The following CCDC171 variants were observed in gnomAD, a reference collection of about 807,000 sequenced individuals.
CCDC171 encodes the protein coiled-coil domain-containing protein 171.
In CCDC171, 177 loss-of-function variants were observed where a neutral mutation model predicts 168.2. The ratio of observed to expected loss-of-function variants is 1.05; its 90% CI spans 0.93 to 1.19. The LOEUF (loss-of-function observed/expected upper bound fraction) is 1.19, where lower values mean the gene tolerates loss of function less well. Among genes scored for constraint, CCDC171 ranks in the 50% most tolerant of loss-of-function variants. The probability of loss-of-function intolerance (pLI) is 0.00; values close to 1 mark genes in which losing one functional copy is unlikely to be tolerated. For synonymous variants in CCDC171, 687 were observed against 540.8 expected, an observed-to-expected ratio of 1.27 and a Z score of -3.75; for missense variants, 1,991 against 1,539.0, an observed-to-expected ratio of 1.29 and a Z score of -4.91.
intron 1 of CCDC171, among the ~76,000 whole-genome samples, chr9:15,558,062 C>G (rs972017940): frequency 3.9e-5 from 6 of 152,154 alleles, no homozygotes; most frequent in Admixed American, 6.5e-5. Flanking sequence ...GTATGTTGAA[C>G]CAGCCTTCCA....
chr9:15,557,448 G>A (rs1035100414), intron 1 of CCDC171, among the ~76,000 whole-genome samples: 1 of 152,030 alleles, frequency 6.6e-6, no homozygotes, highest in African/African-American at 2.4e-5. Context: ...CCTTGAAGAG[G>A]TCCTTCACTT....
At chr9:15,580,087 T>C (rs2040992279) in intron 4 of CCDC171, among the ~76,000 whole-genome samples, 1 of 152,194 alleles carries the variant, frequency 6.6e-6, no homozygotes. Flanking sequence ...CCAACTGATC[T>C]TTGACAAAGC....
chr9:15,587,306 T>C (rs920073361), intron 4 of CCDC171, among the ~76,000 whole-genome samples: 1 of 152,126 alleles, frequency 6.6e-6, no homozygotes, highest in Non-Finnish European at 1.5e-5. Context: ...TGGGAGATGA[T>C]TGCATCATTG....
chr9:15,915,059 C>T (rs1824303274), intron 24 of CCDC171, among the ~76,000 whole-genome samples: 1 of 151,956 alleles, frequency 6.6e-6, no homozygotes, highest in Admixed American at 6.6e-5. Flanking sequence ...ATTGGTCTTG[C>T]TGGGAGCTGC....
At chr9:15,627,390 G>C (rs1279400248) in intron 7 of CCDC171, among the ~76,000 whole-genome samples, 1 of 151,854 alleles carries the variant, frequency 6.6e-6, no homozygotes, top group Non-Finnish European at 1.5e-5. Context: ...TGCTTCTGTA[G>C]TTCTTTTAAT....
chr9:16,064,355 CAG>C (rs1252227542), downstream of CCDC171, among the ~76,000 whole-genome samples: 1 of 151,972 alleles, frequency 6.6e-6, no homozygotes, highest in Admixed American at 6.6e-5. Flanking sequence ...GCTCGGTAGA[CAG>C]TGTGTCTGCG....
chr9:15,583,408 C>CAAAAAAAAA (rs753789809), intron 4 of CCDC171, among the ~76,000 whole-genome samples: 1 of 95,836 alleles, frequency 1.0e-5, no homozygotes. Context: ...GACTCCATCT[C>CAAAAAAAAA]AAAAAAAAAA....
chr9:16,004,636 C>T (rs959531966), intron 3 of CCDC171, among the ~76,000 whole-genome samples: 4 of 152,130 alleles, frequency 2.6e-5, no homozygotes, highest in East Asian at 1.9e-4. Flanking sequence ...CCGAATGCCC[C>T]GTCACTGCCT....
At chr9:15,690,615 A>G (rs959166628) in intron 10 of CCDC171, among the ~76,000 whole-genome samples, 2 of 152,172 alleles carry the variant, frequency 1.3e-5, no homozygotes, top group African/African-American at 4.8e-5. Context: ...GGAAAATATG[A>G]CATAAAAATC....
rs375530902 is a variant in CCDC171 at position 15,663,314 on chromosome 9, T to C, written c.916-2849T>C. Reference sequence around the variant, plus strand: ...TTTTTTTCTATCCCCACCCCGTCTTTAAACTATTTTCTAAAAAGAAACTAT... The same window carrying C: ...TTTTTTTCTATCCCCACCCCGTCTTCAAACTATTTTCTAAAAAGAAACTAT... On this transcript the variant is annotated intron_variant, in intron 8 of 25. Coordinates refer to ENST00000380701, the MANE Select transcript of CCDC171 (RefSeq NM_173550.4). Among the ~76,000 whole-genome samples, 33 of 152,336 alleles carry C rather than the reference T, an allele frequency of 2.2e-4. No individual in the cohort carries two copies. The South Asian group carries it at 6.0e-3, about 28-fold the overall frequency.
the CCDC171 span, among the ~76,000 whole-genome samples, chr9:16,076,008 T>C: frequency 6.6e-6 from 1 of 152,224 alleles, no homozygotes; most frequent in Non-Finnish European, 1.5e-5. Context: ...TTGCAAGTGA[T>C]AGTCAAAATC....
In CCDC171 at chr9:15,578,854, A is replaced by G; in HGVS notation, c.183A>G (p.Ala61=). The G allele has an allele frequency of 1.9e-6, 3 of 1,612,024 alleles. No individual in the cohort carries two copies. The highest frequency in any genetic ancestry group is 2.5e-6 in the Non-Finnish European group (3 of 1,179,120). Residue 61 remains alanine (A), a synonymous_variant, in exon 4 of 26, where the codon GCA becomes GCG. Coordinates refer to ENST00000380701, the MANE Select transcript of CCDC171 (RefSeq NM_173550.4). The part of the protein sequence containing the change: ...EITTKHNAEL[A]SYESQIAKLR... The stretch of plus-strand genomic sequence containing the variant: ...TATCAGGAATCTGTTTTTAGCTGGC[A>G]AGCTATGAGAGCCAGATTGCCAAGC...
intron 24 of CCDC171, among the ~76,000 whole-genome samples, chr9:15,907,942 A>C (rs978775893): frequency 5.9e-5 from 9 of 152,198 alleles, no homozygotes; most frequent in African/African-American, 2.2e-4. Context: ...ATGCAAATCA[A>C]AACCACAATG....
At chr9:15,743,732 A>G (rs1377083455) in intron 16 of CCDC171, among the ~76,000 whole-genome samples, 3 of 151,904 alleles carry the variant, frequency 2.0e-5, no homozygotes, top group South Asian at 2.1e-4. Context: ...GTAAGACAGA[A>G]ACTGAAATTA....
At chr9:15,715,390 A>G (rs1458184199) in intron 11 of CCDC171, among the ~76,000 whole-genome samples, 1 of 152,170 alleles carries the variant, frequency 6.6e-6, no homozygotes, top group Non-Finnish European at 1.5e-5. Flanking sequence ...GTCTGAGTTC[A>G]AAAAAAGTCT....
At chr9:15,811,163 G>T (rs1935826379) in intron 21 of CCDC171, among the ~76,000 whole-genome samples, 2 of 152,194 alleles carry the variant, frequency 1.3e-5, no homozygotes, top group Admixed American at 1.3e-4. Context: ...TCTTCATTTA[G>T]GCAGAAACCT....
At chr9:15,602,895 CG>C (rs1295795310) in intron 6 of CCDC171, among the ~76,000 whole-genome samples, 1 of 151,992 alleles carries the variant, frequency 6.6e-6, no homozygotes, top group Non-Finnish European at 1.5e-5. Flanking sequence ...TGACCTCAGG[CG>C]ATCTGCCTGC....
chr9:15,753,777 GA>G (rs1434862987), intron 18 of CCDC171, among the ~76,000 whole-genome samples: 1 of 152,092 alleles, frequency 6.6e-6, no homozygotes, highest in African/African-American at 2.4e-5. Flanking sequence ...TAAGAAACAC[GA>G]CTTTGAGAAG....
At chr9:15,705,021 G>A (rs1471514715) in intron 11 of CCDC171, among the ~76,000 whole-genome samples, 1 of 151,812 alleles carries the variant, frequency 6.6e-6, no homozygotes, top group Non-Finnish European at 1.5e-5. Flanking sequence ...ACAACATGGT[G>A]ACAATAGTTA....
Sources: allele counts gnomAD v4.1 joint callset (sites outside exome capture counted in the v4.1 genomes callset), GRCh38; gene constraint gnomAD v4.1.1; transcripts MANE v1.5; gene names NCBI Gene and HGNC (gene_info 2026-07-23, HGNC 2026-07-21).